POFUT3: variants seen among roughly 807,000 people sequenced by gnomAD.
POFUT3 encodes protein O-fucosyltransferase 3.
the POFUT3 span, among the ~76,000 whole-genome samples, chr8:33,350,505 G>T: frequency 6.6e-6 from 1 of 152,148 alleles, no homozygotes; most frequent in Non-Finnish European, 1.5e-5. Flanking sequence ...AAAAATAGTA[G>T]CAGAAGGAAG....
chr8:33,465,026 C>T, the POFUT3 span, among the ~76,000 whole-genome samples: 1 of 152,140 alleles, frequency 6.6e-6, no homozygotes, highest in Non-Finnish European at 1.5e-5. Flanking sequence ...AATCCTGGTT[C>T]TTTTACTTAA....
chr8:33,334,223 C>T, the POFUT3 span, among the ~76,000 whole-genome samples: 2 of 145,084 alleles, frequency 1.4e-5, no homozygotes, highest in African/African-American at 5.0e-5. Context: ...TTGAAAATTC[C>T]TTTTTTTTTT....
the POFUT3 span, among the ~76,000 whole-genome samples, chr8:33,339,199 A>G: frequency 6.6e-6 from 1 of 152,202 alleles, no homozygotes. Flanking sequence ...AGTAAATTTC[A>G]ACGAAGAGAT....
chr8:33,375,763 T>C, the POFUT3 span, among the ~76,000 whole-genome samples: 1 of 152,118 alleles, frequency 6.6e-6, no homozygotes, highest in South Asian at 2.1e-4. Context: ...ATTCCTGTAA[T>C]CCCAGCACTT....
chr8:33,395,297 A>G, the POFUT3 span, among the ~76,000 whole-genome samples: 1 of 152,106 alleles, frequency 6.6e-6, no homozygotes, highest in South Asian at 2.1e-4. Flanking sequence ...AAAAACCCCA[A>G]GCTCCACTGG....
At chr8:33,433,684 TG>T in the POFUT3 span, among the ~76,000 whole-genome samples, 1 of 150,824 alleles carries the variant, frequency 6.6e-6, no homozygotes, top group Non-Finnish European at 1.5e-5. Context: ...CTTGGGAGGC[TG>T]AGGCAGGAGA....
the POFUT3 span, chr8:33,371,858 AATTCTTAATATT>A: frequency 6.6e-6 from 1 of 152,276 alleles, no homozygotes; most frequent in Non-Finnish European, 1.5e-5. Flanking sequence ...TAAGCATAGC[AATTCTTAATATT>A]ATTCTGCGCA....
At chr8:33,313,604 C>A in the POFUT3 span, among the ~76,000 whole-genome samples, 3 of 151,704 alleles carry the variant, frequency 2.0e-5, no homozygotes, top group African/African-American at 7.3e-5. Context: ...TGACATCCTC[C>A]CTATTCCAGA....
chr8:33,459,151 C>T, the POFUT3 span, among the ~76,000 whole-genome samples: 25 of 152,036 alleles, frequency 1.6e-4, no homozygotes, highest in South Asian at 8.3e-4. Context: ...ACCAGCCTGG[C>T]CAACATGGCA....
chr8:33,471,712 G>T, the POFUT3 span, among the ~76,000 whole-genome samples: 1 of 152,114 alleles, frequency 6.6e-6, no homozygotes, highest in African/African-American at 2.4e-5. Context: ...TTGTTTGTAA[G>T]ATAAAACTTG....
chr8:33,416,753 G>A, the POFUT3 span, among the ~76,000 whole-genome samples: 1 of 151,322 alleles, frequency 6.6e-6, no homozygotes, highest in Middle Eastern at 3.4e-3. Flanking sequence ...GGCTGAGGCA[G>A]GAGAATCGCT....
At chr8:33,340,192 A>G in the POFUT3 span, among the ~76,000 whole-genome samples, 1 of 152,114 alleles carries the variant, frequency 6.6e-6, no homozygotes, top group African/African-American at 2.4e-5. Flanking sequence ...TGTATATGTG[A>G]TGTAATATCT....
At chr8:33,342,370 A>T in the POFUT3 span, among the ~76,000 whole-genome samples, 1 of 152,128 alleles carries the variant, frequency 6.6e-6, no homozygotes, top group African/African-American at 2.4e-5. Flanking sequence ...ACAAAAAAAG[A>T]AAACTGACAA....
At chr8:33,322,246 T>G in the POFUT3 span, among the ~76,000 whole-genome samples, 1 of 152,134 alleles carries the variant, frequency 6.6e-6, no homozygotes, top group South Asian at 2.1e-4. Flanking sequence ...TGAGCCCACT[T>G]TTTCTGCTGC....
the POFUT3 span, among the ~76,000 whole-genome samples, chr8:33,329,604 G>T: frequency 6.6e-6 from 1 of 152,152 alleles, no homozygotes; most frequent in Non-Finnish European, 1.5e-5. Flanking sequence ...GTGACTTGGA[G>T]TCCCCAGTGC....
chr8:33,448,682 C>G, the POFUT3 span, among the ~76,000 whole-genome samples: 1 of 152,008 alleles, frequency 6.6e-6, no homozygotes, highest in African/African-American at 2.4e-5. Flanking sequence ...ACATGTAATC[C>G]CAGCACTTTG....
At chr8:33,311,455 G>A in the POFUT3 span, among the ~76,000 whole-genome samples, 1 of 152,076 alleles carries the variant, frequency 6.6e-6, no homozygotes, top group African/African-American at 2.4e-5. Context: ...TAAGGGAAAG[G>A]GGATAACCAT....
the POFUT3 span, among the ~76,000 whole-genome samples, chr8:33,358,206 T>TA: frequency 1.3e-5 from 2 of 152,342 alleles, no homozygotes; most frequent in African/African-American, 2.4e-5. Flanking sequence ...TGAGCCAGGA[T>TA]GGTGCCATTG....
the POFUT3 span, among the ~76,000 whole-genome samples, chr8:33,411,113 C>T: frequency 6.6e-6 from 1 of 152,098 alleles, no homozygotes; most frequent in Non-Finnish European, 1.5e-5. Context: ...AAAATAATGG[C>T]ACCACAGAGA....
Sources: gnomAD v4.1 joint callset for allele counts (sites outside exome capture counted in the v4.1 genomes callset) on GRCh38, gnomAD v4.1.1 for gene constraint, MANE v1.5 for transcripts, NCBI Gene and HGNC (gene_info 2026-07-23, HGNC 2026-07-21) for gene names.